SNX16: variants seen among roughly 807,000 people sequenced by gnomAD.
SNX16 encodes the protein sorting nexin 16, also known as sorting nexin-16.
SNX16 carries 35 observed loss-of-function variants against 36.7 expected under a neutral mutation model. The observed-to-expected ratio is 0.95, with a 90% CI of 0.73 to 1.27. The LOEUF (loss-of-function observed/expected upper bound fraction) is 1.27, where lower values mean the gene tolerates loss of function less well. SNX16 is among the 50% of genes most tolerant of loss of function. The pLI, the probability that SNX16 is intolerant of heterozygous loss-of-function variation, is 0.00. For missense variants in SNX16, 367 were observed against 393.6 expected, an observed-to-expected ratio of 0.93 and a Z score of 0.57; for synonymous variants, 134 against 132.0, an observed-to-expected ratio of 1.02 and a Z score of -0.10.
chr8:81,814,221 G>C (rs548490056), intron 5 of SNX16, among the ~76,000 whole-genome samples: 2 of 152,002 alleles, frequency 1.3e-5, no homozygotes, highest in East Asian at 3.9e-4. Context: ...TGCAAACAAT[G>C]AAAAACCATT....
chr8:81,799,606 A>T lies in SNX16; in HGVS notation c.*1891T>A, dbSNP rs1311080112. ...TGTTGTAGTGAAAAAATAATTTATT[A>T]AATGAACATAATACTGGGAGTAAAA... On this transcript the variant is annotated 3_prime_UTR_variant, in exon 8 of 8. Coordinates refer to ENST00000345957, the MANE Select transcript of SNX16 (RefSeq NM_152836.3). The T allele has an allele frequency of 2.6e-5, 4 of 152,046 alleles. No homozygotes were observed. The highest frequency in any genetic ancestry group is 4.4e-5 in the Non-Finnish European group (3 of 67,882). 9.4% of individuals were successfully genotyped at this position (152,046 alleles called of 1,614,324 possible).
chr8:81,801,474 T>G lies in SNX16; in HGVS notation c.*23A>C, dbSNP rs752737331. The G allele has an allele frequency of 2.8e-6, 4 of 1,424,226 alleles. No homozygotes were observed. Among genetic ancestry groups the G allele is most frequent in the Non-Finnish European group, 9.7e-7 (1 of 1,032,566 alleles). The allele number at this position is 1,424,226 out of a possible 1,614,324, so 88.2% of individuals were successfully genotyped here. A position where few individuals can be genotyped will look rare whatever the true frequency, so the allele number is the denominator to read the frequency against. On this transcript the variant is annotated 3_prime_UTR_variant, in exon 8 of 8. Transcript: ENST00000345957. ...CTTCTAAATTTTTGAATAGTCTAAA[T>G]GGAGGGAACTGCTTGTGATACATTA...
chr8:81,813,646 C>T (rs1413239092), intron 5 of SNX16, among the ~76,000 whole-genome samples: 5 of 151,726 alleles, frequency 3.3e-5, no homozygotes, highest in Non-Finnish European at 7.4e-5. Flanking sequence ...TGAAAAGACA[C>T]CTACAGACTG....
At chr8:81,822,759 A>G (rs934393472) in intron 4 of SNX16, among the ~76,000 whole-genome samples, 6 of 151,854 alleles carry the variant, frequency 4.0e-5, no homozygotes, top group African/African-American at 1.5e-4. Context: ...GTTTGACGTA[A>G]TTTTGAGATA....
At chr8:81,835,270 C>A (rs1269584905) in intron 2 of SNX16, among the ~76,000 whole-genome samples, 1 of 152,198 alleles carries the variant, frequency 6.6e-6, no homozygotes, top group African/African-American at 2.4e-5. Flanking sequence ...TGGGCCCAGT[C>A]CACAAAACCA....
intron 4 of SNX16, among the ~76,000 whole-genome samples, chr8:81,818,533 C>A (rs1212023405): frequency 6.6e-6 from 1 of 152,012 alleles, no homozygotes; most frequent in African/African-American, 2.4e-5. Context: ...CTCTTTGATA[C>A]CACTGATAGT....
At chr8:81,823,311 ATC>A (rs1244683082) in intron 4 of SNX16, among the ~76,000 whole-genome samples, 2 of 151,734 alleles carry the variant, frequency 1.3e-5, no homozygotes, top group Non-Finnish European at 2.9e-5. Context: ...ACCCACATAG[ATC>A]TGTTCTTTTC....
chr8:81,809,867 A>G (rs1382427039), intron 5 of SNX16, among the ~76,000 whole-genome samples: 4 of 152,198 alleles, frequency 2.6e-5, no homozygotes, highest in Non-Finnish European at 5.9e-5. Flanking sequence ...CAAGATTAAC[A>G]TCCACCCCAG....
chr8:81,830,907 C>T (rs948639172), intron 2 of SNX16, among the ~76,000 whole-genome samples: 4 of 152,116 alleles, frequency 2.6e-5, no homozygotes, highest in Non-Finnish European at 5.9e-5. Context: ...GGTACTGGTA[C>T]AAATACAGAC....
intron 4 of SNX16, among the ~76,000 whole-genome samples, chr8:81,821,281 A>G (rs189285404): frequency 6.6e-6 from 1 of 152,116 alleles, no homozygotes; most frequent in East Asian, 1.9e-4. Context: ...AGCTTTAGAA[A>G]TGACAGGATC....
At chr8:81,810,875 G>A (rs1374185900) in intron 5 of SNX16, among the ~76,000 whole-genome samples, 2 of 152,104 alleles carry the variant, frequency 1.3e-5, no homozygotes, top group Non-Finnish European at 2.9e-5. Flanking sequence ...AATGCCGATA[G>A]AGTGTATGAG....
Position 81,800,219 on chromosome 8 carries a change from T to C in SNX16, c.*1278A>G, listed in dbSNP as rs1481253569. 3.3e-5 allele frequency: 5 copies of C among 151,846 alleles called. No homozygotes were observed. The highest frequency in any genetic ancestry group is 9.7e-5 in the African/African-American group (4 of 41,430). 9.4% of individuals were successfully genotyped at this position (151,846 alleles called of 1,614,324 possible). On this transcript the variant is annotated 3_prime_UTR_variant, in exon 8 of 8. Coordinates refer to ENST00000345957, the MANE Select transcript of SNX16 (RefSeq NM_152836.3). ...TTCCCCAGTAAGTTTCCCTCAGTTT[T>C]TAGAAAGCATACCGACTGGGATTGC...
chr8:81,822,966 A>ATGTATATG (rs36048974), intron 4 of SNX16, among the ~76,000 whole-genome samples: 50,926 of 126,324 alleles, frequency 0.4, 10,130 homozygotes, highest in Non-Finnish European at 0.45. Context: ...ATATATATAT[A>ATGTATATG]TATATATATA....
chr8:81,815,214 T>A (rs1168324012), intron 5 of SNX16, 111 bp downstream of exon 5: 1 of 762,404 alleles, frequency 1.3e-6, no homozygotes, highest in South Asian at 2.8e-5. Context: ...AAAACTACCA[T>A]AGCCTGAAAT....
At chr8:81,805,702 G>A (rs749024315) in intron 5 of SNX16, among the ~76,000 whole-genome samples, 5 of 152,090 alleles carry the variant, frequency 3.3e-5, no homozygotes, top group African/African-American at 4.8e-5. Context: ...GGCAGATCAC[G>A]AGGTCAGGAG....
At chr8:81,807,178 T>C (rs1809992232) in intron 5 of SNX16, among the ~76,000 whole-genome samples, 1 of 152,046 alleles carries the variant, frequency 6.6e-6, no homozygotes, top group Non-Finnish European at 1.5e-5. Context: ...TATTTAATTA[T>C]AGTAATTAAC....
chr8:81,802,108 C>T (rs1233481765), intron 7 of SNX16, among the ~76,000 whole-genome samples: 1 of 151,464 alleles, frequency 6.6e-6, no homozygotes, highest in Non-Finnish European at 1.5e-5. Context: ...AGTTAATTAC[C>T]TGAGTCAGAG....
intron 3 of SNX16, among the ~76,000 whole-genome samples, chr8:81,826,541 A>G (rs754839117): frequency 5.9e-5 from 9 of 152,116 alleles, no homozygotes; most frequent in Non-Finnish European, 1.2e-4. Context: ...TCTACAATCA[A>G]TGCATCTCCC....
chr8:81,816,181 CT>C lies in SNX16; in HGVS notation c.612-788del, dbSNP rs777491714. On this transcript the variant is annotated intron_variant, in intron 4 of 7. Coordinates refer to ENST00000345957, the MANE Select transcript of SNX16 (RefSeq NM_152836.3). The stretch of plus-strand genomic sequence containing the variant: ...CAAATTTCCTTTTACAAAGGATTTT[CT>C]TTTTTTTTTTTTTTAAGACGAGTCT... Among the ~76,000 whole-genome samples the C allele has an allele frequency of 2.3e-3, 323 of 137,670 alleles. 1 individual carries two copies. Among genetic ancestry groups the C allele is most frequent in the Middle Eastern group, 3.8e-3 (1 of 264 alleles). The allele number at this position is 137,670 out of a possible 152,430, so 90.3% of individuals were successfully genotyped here.
Sources: gnomAD v4.1 joint callset for allele counts (sites outside exome capture counted in the v4.1 genomes callset) on GRCh38, gnomAD v4.1.1 for gene constraint, MANE v1.5 for transcripts, NCBI Gene and HGNC (gene_info 2026-07-23, HGNC 2026-07-21) for gene names.